The following FHIP1A variants were observed in gnomAD, a reference collection of about 807,000 sequenced individuals.
FHIP1A encodes the protein FHF complex subunit HOOK-interacting protein 1A.
FHIP1A carries 61 observed loss-of-function variants against 88.6 expected under a neutral mutation model. That is an observed-to-expected ratio of 0.69 (90% CI 0.56 to 0.85). The LOEUF is 0.85. Ranked by LOEUF, FHIP1A falls within the 40% of genes least tolerant of loss-of-function variation. The pLI, the probability that FHIP1A is intolerant of heterozygous loss-of-function variation, is 0.00. For missense variants in FHIP1A, 1,154 were observed against 1,273.5 expected (o/e 0.91, Z 1.43); for synonymous variants, 478 against 496.0 (o/e 0.96, Z 0.48).
intron 7 of FHIP1A, among the ~76,000 whole-genome samples, chr4:151,619,444 G>T (rs1376477658): frequency 6.6e-6 from 1 of 152,174 alleles, no homozygotes; most frequent in East Asian, 1.9e-4. Flanking sequence ...ACAATTTAAA[G>T]TTGAATAAAA....
chr4:151,526,634 C>G (rs1164877048), intron 3 of FHIP1A, among the ~76,000 whole-genome samples: 4 of 148,508 alleles, frequency 2.7e-5, no homozygotes, highest in Non-Finnish European at 6.0e-5. Flanking sequence ...ACCTCCCTCC[C>G]GGACGGGGCG....
At chr4:151,632,782 A>T (rs1239057006) in intron 8 of FHIP1A, among the ~76,000 whole-genome samples, 1 of 152,048 alleles carries the variant, frequency 6.6e-6, no homozygotes, top group Non-Finnish European at 1.5e-5. Context: ...GAGACAAGTG[A>T]AAATGAAAGC....
rs189918041 is a variant in FHIP1A, at chr4:151,577,623, C to G, written c.279C>G (p.Val93=). Residue 93 remains valine (V), a synonymous_variant, in exon 5 of 14, where the codon GTC becomes GTG. Coordinates refer to ENST00000435205, the MANE Select transcript of FHIP1A (RefSeq NM_001109977.3). ...TGGGGCCGATTCTGGAATTTGTGGTCTCTGAGAACATCATGGAGAAACTTT... is the reference window on the plus strand; with the variant it reads ...TGGGGCCGATTCTGGAATTTGTGGTGTCTGAGAACATCATGGAGAAACTTT... ...AAMGPILEFV[V]SENIMEKLFL... is the part of the protein sequence containing the mutation. 1 of 1,551,832 alleles carries G rather than the reference C, an allele frequency of 6.4e-7. No homozygotes were observed. The highest frequency in any genetic ancestry group is 2.4e-5 in the East Asian group (1 of 40,924).
At chr4:151,644,168 A>T (rs1043567532) in intron 9 of FHIP1A, among the ~76,000 whole-genome samples, 3 of 152,150 alleles carry the variant, frequency 2.0e-5, no homozygotes, top group Non-Finnish European at 4.4e-5. Flanking sequence ...TGTAATCCGA[A>T]TTTCTCTAGG....
chr4:151,620,878 TAA>T (rs149285456), intron 7 of FHIP1A, among the ~76,000 whole-genome samples: 19 of 139,332 alleles, frequency 1.4e-4, no homozygotes, highest in South Asian at 4.6e-4. Flanking sequence ...ACACCGAGAA[TAA>T]AAAAAAAAAA....
intron 8 of FHIP1A, among the ~76,000 whole-genome samples, chr4:151,633,061 C>T (rs1229416710): frequency 6.6e-6 from 1 of 151,618 alleles, no homozygotes; most frequent in South Asian, 2.1e-4. Flanking sequence ...TATTGATTGA[C>T]CATTAGCTGG....
At chr4:151,417,187 T>C (rs1003935776) in intron 1 of FHIP1A, among the ~76,000 whole-genome samples, 3 of 151,778 alleles carry the variant, frequency 2.0e-5, no homozygotes, top group Non-Finnish European at 4.4e-5. Flanking sequence ...CTTCACAGGG[T>C]GGGAGCAGGC....
chr4:151,576,710 A>G (rs1224791130), intron 4 of FHIP1A: 5 of 152,234 alleles, frequency 3.3e-5, no homozygotes, highest in African/African-American at 7.2e-5. Context: ...AGTACATGCC[A>G]TATGCTAGGG....
chr4:151,474,426 A>G (rs1300602545), intron 2 of FHIP1A, among the ~76,000 whole-genome samples: 2 of 152,170 alleles, frequency 1.3e-5, no homozygotes, highest in Non-Finnish European at 2.9e-5. Flanking sequence ...AAATAAAGAT[A>G]CTGTACTGTT....
At chr4:151,446,581 C>CTTTT (rs35115788) in intron 1 of FHIP1A, among the ~76,000 whole-genome samples, 56 of 109,710 alleles carry the variant, frequency 5.1e-4, no homozygotes, top group East Asian at 8.0e-4. Flanking sequence ...TGTTCTTTTT[C>CTTTT]TTTTTTTTTT....
At chr4:151,574,911 ATT>A (rs33979082) in intron 4 of FHIP1A, among the ~76,000 whole-genome samples, 3 of 150,640 alleles carry the variant, frequency 2.0e-5, no homozygotes, top group African/African-American at 7.3e-5. Context: ...AGTCAATAGT[ATT>A]TTTTTTTTCA....
At chr4:151,430,311 C>G (rs1733545261) in intron 1 of FHIP1A, among the ~76,000 whole-genome samples, 1 of 152,192 alleles carries the variant, frequency 6.6e-6, no homozygotes, top group Admixed American at 6.5e-5. Flanking sequence ...TGAGTTAACA[C>G]TTATAAAGTG....
intron 4 of FHIP1A, among the ~76,000 whole-genome samples, chr4:151,574,881 C>A (rs1733725067): frequency 6.6e-6 from 1 of 151,320 alleles, no homozygotes; most frequent in South Asian, 2.1e-4. Flanking sequence ...GATTCTAATT[C>A]TCTTATTCTT....
intron 2 of FHIP1A, among the ~76,000 whole-genome samples, chr4:151,465,393 C>T (rs1163182612): frequency 6.6e-6 from 1 of 151,870 alleles, no homozygotes; most frequent in Non-Finnish European, 1.5e-5. Flanking sequence ...GCCTACCAAC[C>T]AAAAAAAGCC....
At position 151,670,308 on chromosome 4, in the gene FHIP1A, C is replaced by CTAAT. The variant is rs1322597877; in HGVS notation, c.*7556_*7559dup. The stretch of plus-strand genomic sequence containing the variant: ...CATGAGAGGTCAAGATTTTGATTTA[C>CTAAT]TAATTTATAATCTTATTTCCAAGCA... On this transcript the variant is annotated 3_prime_UTR_variant, in exon 14 of 14. Transcript: ENST00000435205. The CTAAT allele has an allele frequency of 1.3e-5, 2 of 152,132 alleles. No homozygotes were observed. Among genetic ancestry groups the CTAAT allele is most frequent in the African/African-American group, 4.8e-5 (2 of 41,416 alleles). The allele number at this position is 152,132 out of a possible 1,614,324, so 9.4% of individuals were successfully genotyped here.
At chr4:151,588,679 C>T (rs1366531792) in intron 6 of FHIP1A, among the ~76,000 whole-genome samples, 161 bp from the exon 7 acceptor site, 2 of 152,130 alleles carry the variant, frequency 1.3e-5, no homozygotes, top group Non-Finnish European at 2.9e-5. Flanking sequence ...ATTTGAAAGG[C>T]TTATATGACA....
intron 2 of FHIP1A, among the ~76,000 whole-genome samples, chr4:151,467,961 C>T (rs1431875585): frequency 2.0e-5 from 3 of 147,990 alleles, no homozygotes; most frequent in South Asian, 2.2e-4. Flanking sequence ...CAAACGCTCA[C>T]GTTCTGCACA....
At chr4:151,413,627 G>A (rs1263582471) in intron 1 of FHIP1A, among the ~76,000 whole-genome samples, 1 of 151,956 alleles carries the variant, frequency 6.6e-6, no homozygotes, top group Non-Finnish European at 1.5e-5. Flanking sequence ...GCTAATTTTT[G>A]TATTTTTAGT....
intron 3 of FHIP1A, among the ~76,000 whole-genome samples, chr4:151,497,563 A>C (rs972213349): frequency 7.2e-5 from 11 of 152,340 alleles, no homozygotes; most frequent in African/African-American, 2.4e-4. Flanking sequence ...TGTCACAACC[A>C]GGGGTGATTT....
Sources: allele counts gnomAD v4.1 joint callset (sites outside exome capture counted in the v4.1 genomes callset), GRCh38; gene constraint gnomAD v4.1.1; transcripts MANE v1.5; gene names NCBI Gene and HGNC (gene_info 2026-07-23, HGNC 2026-07-21).